ATP8B3: variants seen among roughly 807,000 people sequenced by gnomAD.
The protein encoded by ATP8B3 is phospholipid-transporting ATPase IK.
ATP8B3 carries 141 observed loss-of-function variants against 140.9 expected under a neutral mutation model. The ratio of observed to expected loss-of-function variants is 1.00; its 90% confidence interval spans 0.87 to 1.15. ATP8B3 has a LOEUF of 1.15. Ranked by LOEUF, ATP8B3 falls within the 50% of genes most tolerant of loss-of-function variation. ATP8B3 has a pLI of 0.00. For synonymous variants in ATP8B3, 765 were observed against 714.6 expected (o/e 1.07, Z -1.13); for missense variants, 1,874 against 1,740.6 (o/e 1.08, Z -1.36).
intron 18 of ATP8B3, among the ~76,000 whole-genome samples, chr19:1,795,311 G>T (rs566200658): frequency 6.6e-6 from 1 of 151,972 alleles, no homozygotes; most frequent in South Asian, 2.1e-4. Context: ...CAGCACTTTG[G>T]GAGGCCAAGG....
rs539982424 is a variant in ATP8B3, at chr19:1,807,470, C to T, written c.517-204G>A. ...CCACCTGCCTGGAACTTCTCCCACA[C>T]GCCTCGTCTCCCCAGCAAACTCCCC... On this transcript the variant is annotated intron_variant, in intron 5 of 28. Coordinates refer to ENST00000310127, the MANE Select transcript of ATP8B3 (RefSeq NM_138813.4). This position sits in a 1 kb window ranked among gnomAD's most constrained non-coding sequence, Gnocchi z 5.9. 7.2e-5 allele frequency among the ~76,000 whole-genome samples: 11 copies of T among 152,238 alleles called. No individual in the cohort carries two copies. The East Asian group carries it at 9.7e-4, about 13-fold the overall frequency.
At position 1,811,740 on chromosome 19, in the gene ATP8B3, C is replaced by T. The variant is rs1207717964; in HGVS notation, c.-4G>A. On this transcript the variant is annotated 5_prime_UTR_variant, in exon 2 of 29. The change creates a new upstream start codon in the 5' untranslated region. Coordinates refer to ENST00000310127, the MANE Select transcript of ATP8B3 (RefSeq NM_138813.4). ...TCTGAGCGGGGCCAGTGCCCATTCACCGCATGAGGAAAAGGGAGGTTCAGG... is the reference window on the plus strand; with the variant it reads ...TCTGAGCGGGGCCAGTGCCCATTCATCGCATGAGGAAAAGGGAGGTTCAGG... 3 of 1,582,588 alleles carry T rather than the reference C, an allele frequency of 1.9e-6. No homozygotes were observed. Among genetic ancestry groups the T allele is most frequent in the Non-Finnish European group, 2.6e-6 (3 of 1,169,190 alleles).
At chr19:1,793,233 G>A (rs116158685) in intron 18 of ATP8B3, among the ~76,000 whole-genome samples, 2,126 of 151,604 alleles carry the variant, frequency 0.014, 48 homozygotes, top group African/African-American at 0.047. Context: ...TGGGATCATA[G>A]GCACATGCCA....
intron 3 of ATP8B3, 97 bp downstream of exon 3, chr19:1,810,525 A>G: frequency 2.4e-6 from 3 of 1,260,886 alleles, no homozygotes; most frequent in Non-Finnish European, 3.2e-6. Flanking sequence ...CAGCCTCCCA[A>G]AGTGCCGGGA....
At chr19:1,790,885 T>TG in intron 20 of ATP8B3, 53 bp from the exon 21 acceptor site, 1 of 1,371,330 alleles carries the variant, frequency 7.3e-7, no homozygotes, top group African/African-American at 1.6e-5. Context: ...ACTGGCTGCC[T>TG]GGGGGCCACG....
chr19:1,786,126 C>T (rs750064154), intron 25 of ATP8B3, among the ~76,000 whole-genome samples: 17 of 151,078 alleles, frequency 1.1e-4, no homozygotes, highest in Admixed American at 4.6e-4. Flanking sequence ...AATGGGACCT[C>T]GTCTACAGAA....
In ATP8B3 at chr19:1,810,672, A is replaced by G. The variant is rs2069163945; in HGVS notation, c.260T>C (p.Met87Thr). Reference sequence around the variant, plus strand: ...ATCTTCTCTCTGGCCGAGGCTGCCCATGCTGGTGGGGCTGTGGGAGAGAAG... The same window carrying G: ...ATCTTCTCTCTGGCCGAGGCTGCCCGTGCTGGTGGGGCTGTGGGAGAGAAG... ...YEWRPEGPTS[M>T]GSLGQREDLQ... The change falls in exon 3 of 29, where the codon ATG becomes ACG. Residue 87 changes from methionine (M) to threonine (T), a missense_variant. Coordinates refer to ENST00000310127, the MANE Select transcript of ATP8B3 (RefSeq NM_138813.4). The G allele has an allele frequency of 1.9e-6, 3 of 1,612,458 alleles. No homozygotes were observed. The highest frequency in any genetic ancestry group is 2.5e-6 in the Non-Finnish European group (3 of 1,179,560).
At chr19:1,785,118 T>C (rs1268844565) in intron 27 of ATP8B3, 41 bp downstream of exon 27, 2 of 1,509,388 alleles carry the variant, frequency 1.3e-6, no homozygotes, top group East Asian at 2.4e-5. Flanking sequence ...GGGGCTCCCC[T>C]GCACCACGAC....
Position 1,792,072 on chromosome 19 carries a change from A to G in ATP8B3, c.2119T>C (p.Tyr707His). Residue 707 changes from tyrosine (Y) to histidine (H), a missense_variant, in exon 19 of 29, where the codon TAC (tyrosine) becomes CAC (histidine). By Grantham distance (83) the Tyr-to-His change is moderately conservative (BLOSUM62 2). Coordinates refer to ENST00000310127, the MANE Select transcript of ATP8B3 (RefSeq NM_138813.4). Reference sequence around the variant, plus strand: ...TGGTGGCGCTGCTGCCAGTCCTCGTAAATGTCCTCAGCCACCTCCCTGTAG... The same window carrying G: ...TGGTGGCGCTGCTGCCAGTCCTCGTGAATGTCCTCAGCCACCTCCCTGTAG... ...LAYREVAEDI[Y>H]EDWQQRHQEA... 6.4e-7 allele frequency: 1 copy of G among 1,567,448 alleles called. No individual in the cohort carries two copies. Among genetic ancestry groups the G allele is most frequent in the Non-Finnish European group, 8.6e-7 (1 of 1,158,400 alleles).
rs947135069 is a variant in ATP8B3 at position 1,785,833 on chromosome 19, A to G, written c.3154-125T>C. On this transcript the variant is annotated intron_variant, in intron 25 of 28. Transcript: ENST00000310127. ...GTGTGTGGCTCTTTGAGTTTAAGTG[A>G]GTTAAAATAAAGTAAGGCCAGGCAC... 12 of 1,119,868 alleles carry G rather than the reference A, an allele frequency of 1.1e-5. No individual in the cohort carries two copies. The Admixed American group carries it at 2.4e-4, about 23-fold the overall frequency. The allele number at this position is 1,119,868 out of a possible 1,614,324, so 69.4% of individuals were successfully genotyped here.
In ATP8B3 at chr19:1,794,216, C is replaced by T. The variant is rs962415195; in HGVS notation, c.2055+1659G>A. On this transcript the variant is annotated intron_variant, in intron 18 of 28. Transcript: ENST00000310127. The surrounding 1 kb of genome is among the most constrained non-coding windows in gnomAD (Gnocchi z 4.8). ...TTTCCCTTTTGTTGTTGATGGGGCA[C>T]GGGTCCAAGAGCTTGGGCTTGACAC... 1.3e-5 allele frequency among the ~76,000 whole-genome samples: 2 copies of T among 152,138 alleles called. No individual in the cohort carries two copies. The highest frequency in any genetic ancestry group is 4.8e-5 in the African/African-American group (2 of 41,426).
rs2068194540 is a variant in ATP8B3 at position 1,782,768 on chromosome 19, T to G, written c.*260A>C. 2.0e-6 allele frequency: 1 copy of G among 502,902 alleles called. No individual in the cohort carries two copies. The highest frequency in any genetic ancestry group is 3.5e-5 in the East Asian group (1 of 28,718). The allele number at this position is 502,902 out of a possible 1,614,324, so 31.2% of individuals were successfully genotyped here. On this transcript the variant is annotated 3_prime_UTR_variant, in exon 29 of 29. Transcript: ENST00000310127. ...CCTCTCCTTGGTCAACAGCAACTTC[T>G]CAGGAGAAGGTGGCCTCTGCTTGGG...
In ATP8B3 at chr19:1,811,498, CTCCAT is replaced by C; in HGVS notation, c.234_238del (p.Trp79ThrfsTer19). The C allele has an allele frequency of 1.2e-6, 2 of 1,611,764 alleles. No homozygotes were observed. The highest frequency in any genetic ancestry group is 1.7e-6 in the Non-Finnish European group (2 of 1,179,652). On this transcript the variant is annotated frameshift_variant, in exon 2 of 29. Transcript: ENST00000310127. LOFTEE classifies it high-confidence loss of function. The stretch of plus-strand genomic sequence containing the variant: ...ATGCACCCGTCCTCACCCTTCTGGT[CTCCAT>C]TCATACTTCCTAGCCCGGCCAGGCT...
At position 1,804,675 on chromosome 19, in the gene ATP8B3, A is replaced by G. The variant is rs553823504; in HGVS notation, c.904+699T>C. On this transcript the variant is annotated intron_variant, in intron 10 of 28. Transcript: ENST00000310127. ...ACAAAAATTAGCTGGGAGTGGTGGC[A>G]CGCACCTGTAATCCCAGCTACTCAG... 4.0e-5 allele frequency among the ~76,000 whole-genome samples: 6 copies of G among 151,686 alleles called. No homozygotes were observed. In the South Asian group the frequency reaches 6.3e-4, roughly 16 times the overall value.
In ATP8B3 at chr19:1,802,513, G is replaced by A; in HGVS notation, c.1037C>T (p.Thr346Ile). Residue 346 changes from threonine to isoleucine, a missense_variant, in exon 11 of 29, where the codon ACC becomes ATC. This residue lies in a region of ATP8B3 where 1,032 missense variants were observed against 963.6 expected (regional missense o/e 1.07). Coordinates refer to ENST00000310127, the MANE Select transcript of ATP8B3 (RefSeq NM_138813.4). ...AGCATAAATGACCAGTCCATAGCAG[G>A]TGTCTGTGTTGCGAATCCTGCAGCC... ...LRGCRIRNTD[T>I]CYGLVIYAGF... 1 of 1,582,884 alleles carries A rather than the reference G, an allele frequency of 6.3e-7. No homozygotes were observed. Among genetic ancestry groups the A allele is most frequent in the Non-Finnish European group, 8.6e-7 (1 of 1,165,584 alleles).
rs754222921 is a variant in ATP8B3, at chr19:1,791,822, C to T, written c.2230G>A (p.Gly744Ser). 30 of 1,611,434 alleles carry T rather than the reference C, an allele frequency of 1.9e-5. No individual in the cohort carries two copies. Among genetic ancestry groups the T allele is most frequent in the African/African-American group, 1.2e-4 (9 of 74,934 alleles). Reference sequence around the variant, plus strand: ...AGACATTTGATGGTTTCAGGGACACCGTCCTGGAGTCTGTCCTCGATGGCT... The same window carrying T: ...AGACATTTGATGGTTTCAGGGACACTGTCCTGGAGTCTGTCCTCGATGGCT... Reference protein sequence around the residue: ...ATAIEDRLQDGVPETIKCLKK... With the variant: ...ATAIEDRLQDSVPETIKCLKK... Residue 744 changes from glycine (G) to serine (S), a missense_variant, in exon 20 of 29, where the codon GGT becomes AGT. Gly to Ser is a moderately conservative substitution (Grantham distance 56). Around this residue, in one of 3 missense-constraint regions of ATP8B3, gnomAD observed 840 missense variants for 760.9 expected, o/e 1.10. Coordinates refer to ENST00000310127, the MANE Select transcript of ATP8B3 (RefSeq NM_138813.4).
At position 1,807,702 on chromosome 19, in the gene ATP8B3, A is replaced by C. The variant is rs1221910012; in HGVS notation, c.517-436T>G. 6.6e-6 allele frequency among the ~76,000 whole-genome samples: 1 copy of C among 152,146 alleles called. No homozygotes were observed. Among genetic ancestry groups the C allele is most frequent in the Non-Finnish European group, 1.5e-5 (1 of 67,958 alleles). The stretch of plus-strand genomic sequence containing the variant: ...CCATTAATGCTGAATGACTCGATGG[A>C]TGAAAGGAGAACCTCTCCATCCAGA... On this transcript the variant is annotated intron_variant, in intron 5 of 28. Transcript: ENST00000310127. The surrounding 1 kb of genome is among the most constrained non-coding windows in gnomAD (Gnocchi z 5.9).
rs1234723484 is a variant in ATP8B3 at position 1,782,945 on chromosome 19, G to A, written c.*83C>T. On this transcript the variant is annotated 3_prime_UTR_variant, in exon 29 of 29. Transcript: ENST00000310127. ...CATAGAAAATGATGAGCTAGGTGTA[G>A]GGGGGAGCTGTACTTCCTGGGAGGA... 6.7e-7 allele frequency: 1 copy of A among 1,494,572 alleles called. No homozygotes were observed. The highest frequency in any genetic ancestry group is 1.4e-5 in the African/African-American group (1 of 71,706). The allele number at this position is 1,494,572 out of a possible 1,614,324, so 92.6% of individuals were successfully genotyped here.
Position 1,799,996 on chromosome 19 carries a change from C to A in ATP8B3, c.1503G>T (p.Thr501=). 1 of 1,606,318 alleles carries A rather than the reference C, an allele frequency of 6.2e-7. No individual in the cohort carries two copies. Among genetic ancestry groups the A allele is most frequent in the Non-Finnish European group, 8.5e-7 (1 of 1,176,722 alleles). ...YIFSDKTGTL[T]QNILTFNKCC... ...ACTTGTTGAAGGTCAAGATGTTCTG[C>A]GTGAGCGTGCCCGTCTTGTCCGAGA... The change falls in exon 14 of 29, where the codon ACG becomes ACT. Residue 501 remains threonine (T), a synonymous_variant. Transcript: ENST00000310127.
Sources: allele counts gnomAD v4.1 joint callset (sites outside exome capture counted in the v4.1 genomes callset), GRCh38; gene constraint gnomAD v4.1.1; regional missense constraint gnomAD v4.1.1; non-coding constraint Gnocchi (gnomAD v3.1); transcripts MANE v1.5; gene names NCBI Gene and HGNC (gene_info 2026-07-23, HGNC 2026-07-21).